EYS: variants seen among roughly 807,000 people sequenced by gnomAD.
The protein encoded by EYS is EGF-like photoreceptor maintenance factor.
A neutral mutation model predicts 282.1 loss-of-function variants in EYS; 250 were observed. The observed-to-expected ratio is 0.89, with a 90% CI of 0.80 to 0.98. The LOEUF is 0.98. Among genes scored for constraint, EYS ranks in the 50% least tolerant of loss-of-function variants. EYS has a pLI of 0.00. For synonymous variants in EYS, 1,355 were observed against 1,282.9 expected (o/e 1.06, Z -1.20); for missense variants, 4,016 against 3,709.0 (o/e 1.08, Z -2.15).
intron 29 of EYS, among the ~76,000 whole-genome samples, chr6:64,370,735 C>T (rs902619860): frequency 2.0e-5 from 3 of 151,836 alleles, no homozygotes; most frequent in Non-Finnish European, 4.4e-5. Flanking sequence ...AATCTCTTCT[C>T]GGTTCAATCT....
intron 15 of EYS, among the ~76,000 whole-genome samples, chr6:64,938,712 G>T (rs1287843619): frequency 6.6e-6 from 1 of 151,566 alleles, no homozygotes; most frequent in Admixed American, 6.6e-5. Flanking sequence ...TAGGTTCTGA[G>T]CATGTTTAAG....
chr6:64,349,288 A>G (rs1166459192), intron 29 of EYS, among the ~76,000 whole-genome samples: 2 of 151,220 alleles, frequency 1.3e-5, no homozygotes, highest in African/African-American at 4.8e-5. Flanking sequence ...ATTTATATGT[A>G]ATACAAATGA....
chr6:63,821,545 A>G (rs1276337518), intron 36 of EYS: 1 of 152,276 alleles, frequency 6.6e-6, no homozygotes, highest in East Asian at 1.9e-4. Context: ...TGGGAGATTA[A>G]TTGACTGCAA....
intron 31 of EYS, among the ~76,000 whole-genome samples, chr6:64,155,502 C>T (rs1774886053): frequency 1.3e-5 from 2 of 152,102 alleles, no homozygotes; most frequent in South Asian, 4.2e-4. Flanking sequence ...AGTTAAGAGG[C>T]ACATGCATTG....
At chr6:63,999,234 G>C (rs1239735559) in intron 33 of EYS, 51 bp from the exon 34 acceptor site, 1 of 1,201,302 alleles carries the variant, frequency 8.3e-7, no homozygotes, top group South Asian at 1.3e-5. Context: ...TGGCAAGAAA[G>C]GAGTAACTTC....
intron 29 of EYS, among the ~76,000 whole-genome samples, chr6:64,327,205 C>T (rs79356285): frequency 5.9e-5 from 9 of 152,036 alleles, no homozygotes; most frequent in East Asian, 1.9e-4. Context: ...ATAGGACCAG[C>T]TCCACAGCTG....
intron 14 of EYS, among the ~76,000 whole-genome samples, chr6:64,988,080 T>G (rs1770924362): frequency 6.6e-6 from 1 of 151,442 alleles, no homozygotes; most frequent in South Asian, 2.1e-4. Flanking sequence ...TTGGTCTTGG[T>G]CTTTTAAGCA....
intron 12 of EYS, among the ~76,000 whole-genome samples, chr6:65,115,938 C>T (rs887278555): frequency 1.5e-5 from 2 of 132,558 alleles, no homozygotes; most frequent in Non-Finnish European, 3.1e-5. Flanking sequence ...AATGAAATAA[C>T]TATGTCTGTC....
At chr6:63,917,015 A>G (rs1367352477) in intron 35 of EYS, among the ~76,000 whole-genome samples, 6 of 152,272 alleles carry the variant, frequency 3.9e-5, no homozygotes, top group Non-Finnish European at 7.3e-5. Flanking sequence ...GTTATTTAAC[A>G]GTGAGGAAAG....
intron 14 of EYS, among the ~76,000 whole-genome samples, chr6:64,954,117 A>T (rs1227451112): frequency 6.6e-6 from 1 of 152,022 alleles, no homozygotes; most frequent in Admixed American, 6.6e-5. Context: ...TAAATCTACT[A>T]TCAAAATAAC....
At chr6:64,403,146 C>T (rs1274154952) in intron 28 of EYS, among the ~76,000 whole-genome samples, 3 of 151,942 alleles carry the variant, frequency 2.0e-5, no homozygotes, top group Non-Finnish European at 2.9e-5. Flanking sequence ...AATTAAGCCA[C>T]ATCTAGTAAT....
chr6:64,441,570 C>T (rs1436751872), intron 26 of EYS, among the ~76,000 whole-genome samples: 1 of 152,162 alleles, frequency 6.6e-6, no homozygotes, highest in Non-Finnish European at 1.5e-5. Context: ...TAAGATCAAA[C>T]ATCATTGATA....
rs538354497 is a variant in EYS at position 64,580,081 on chromosome 6, T to C, written c.5644+10142A>G. ...TAGACTTCAACATTTTTATAGCTTA[T>C]GTTGCTCTGTTCATAGAAGCTTTCA... On this transcript the variant is annotated intron_variant, in intron 26 of 42. Transcript: ENST00000503581. 2.0e-5 allele frequency among the ~76,000 whole-genome samples: 3 copies of C among 152,294 alleles called. No homozygotes were observed. The South Asian group carries it at 6.2e-4, about 32-fold the overall frequency.
At chr6:65,171,472 T>G (rs574839002) in intron 12 of EYS, among the ~76,000 whole-genome samples, 1 of 151,624 alleles carries the variant, frequency 6.6e-6, no homozygotes, top group African/African-American at 2.4e-5. Flanking sequence ...CTATTCATAC[T>G]TATGAAGTTA....
intron 11 of EYS, among the ~76,000 whole-genome samples, chr6:65,319,561 A>G (rs1237671337): frequency 2.0e-5 from 3 of 152,086 alleles, no homozygotes; most frequent in African/African-American, 7.2e-5. Flanking sequence ...AACATTGTTG[A>G]ATTATATTTG....
chr6:65,192,252 G>A (rs1334748813), intron 12 of EYS, among the ~76,000 whole-genome samples: 1 of 149,414 alleles, frequency 6.7e-6, no homozygotes, highest in Non-Finnish European at 1.5e-5. Flanking sequence ...CCAGGATAGG[G>A]CACGTTAACA....
rs558276848 is a variant in EYS, at chr6:65,268,999, TA to T, written c.2023+26863del. Among the ~76,000 whole-genome samples the T allele has an allele frequency of 1.1e-3, 160 of 152,182 alleles. 1 individual carries two copies. The highest frequency in any genetic ancestry group is 1.4e-3 in the Non-Finnish European group (95 of 67,980). ...TCTCATATTACAAATATTTAAAGAA[TA>T]AAAAAATGAAGGCAAATATTATCTC... On this transcript the variant is annotated intron_variant, in intron 12 of 42. Coordinates refer to ENST00000503581, the MANE Select transcript of EYS (RefSeq NM_001142800.2).
At chr6:64,085,902 G>A (rs1019727519) in intron 31 of EYS, among the ~76,000 whole-genome samples, 1 of 152,182 alleles carries the variant, frequency 6.6e-6, no homozygotes, top group Non-Finnish European at 1.5e-5. Context: ...TTGTTAGCAA[G>A]TTCTTCATCG....
chr6:64,958,384 A>T (rs1249053228), intron 14 of EYS, among the ~76,000 whole-genome samples: 2 of 151,486 alleles, frequency 1.3e-5, no homozygotes, highest in African/African-American at 4.9e-5. Context: ...TCCATCTCAA[A>T]AACTAAACAA....
Sources: allele counts gnomAD v4.1 joint callset (sites outside exome capture counted in the v4.1 genomes callset), GRCh38; gene constraint gnomAD v4.1.1; transcripts MANE v1.5; gene names NCBI Gene and HGNC (gene_info 2026-07-23, HGNC 2026-07-21).